Variants in FSTL5 observed in about 807,000 individuals in gnomAD.
The protein encoded by FSTL5 is follistatin like 5.
Under a neutral mutation model 89.1 loss-of-function variants are expected in FSTL5, and 62 were observed. The ratio of observed to expected loss-of-function variants is 0.70; its 90% CI spans 0.57 to 0.86. FSTL5 has a LOEUF of 0.86. Ranked by LOEUF, FSTL5 falls within the 40% of genes least tolerant of loss-of-function variation. FSTL5 has a pLI of 0.00. For synonymous variants in FSTL5, 383 were observed against 346.2 expected, an observed-to-expected ratio of 1.11 and a Z score of -1.18; for missense variants, 1,057 against 1,001.6, an observed-to-expected ratio of 1.06 and a Z score of -0.75.
intron 14 of FSTL5, among the ~76,000 whole-genome samples, chr4:161,457,103 G>T (rs941796906): frequency 1.3e-5 from 2 of 152,122 alleles, no homozygotes; most frequent in Non-Finnish European, 2.9e-5. Flanking sequence ...ACACTAACAT[G>T]ATCCATGAGT....
chr4:162,030,952 A>C (rs1481924999), intron 3 of FSTL5, among the ~76,000 whole-genome samples: 1 of 152,182 alleles, frequency 6.6e-6, no homozygotes, highest in Non-Finnish European at 1.5e-5. Context: ...ATTGTCTAAT[A>C]ATAGTTACAA....
chr4:161,841,084 C>T (rs551185646), intron 4 of FSTL5, among the ~76,000 whole-genome samples: 4 of 152,236 alleles, frequency 2.6e-5, no homozygotes, highest in African/African-American at 4.8e-5. Flanking sequence ...ATAACAGCTG[C>T]TTTCTTTAGC....
intron 4 of FSTL5, among the ~76,000 whole-genome samples, chr4:161,884,211 G>A (rs1217329149): frequency 6.6e-6 from 1 of 151,832 alleles, no homozygotes; most frequent in African/African-American, 2.4e-5. Context: ...CACCACACCT[G>A]GCTAATTTTT....
chr4:161,534,814 T>C (rs1455827342), intron 10 of FSTL5, among the ~76,000 whole-genome samples: 1 of 151,958 alleles, frequency 6.6e-6, no homozygotes, highest in African/African-American at 2.4e-5. Flanking sequence ...CACACTATAC[T>C]TCACACTATA....
At chr4:161,809,996 T>C (rs1016099502) in intron 4 of FSTL5, among the ~76,000 whole-genome samples, 4 of 152,126 alleles carry the variant, frequency 2.6e-5, no homozygotes, top group African/African-American at 9.7e-5. Context: ...GATATCATGG[T>C]TTGAATCAAA....
intron 4 of FSTL5, among the ~76,000 whole-genome samples, chr4:161,904,735 T>C (rs1273856849): frequency 6.6e-6 from 1 of 151,888 alleles, no homozygotes; most frequent in Non-Finnish European, 1.5e-5. Context: ...AACACCAATA[T>C]AAATGTGCCT....
intron 11 of FSTL5, among the ~76,000 whole-genome samples, chr4:161,501,105 T>A (rs1189996980): frequency 1.3e-5 from 2 of 152,158 alleles, no homozygotes; most frequent in African/African-American, 4.8e-5. Context: ...GCATGTTCTC[T>A]TTAAAAGACA....
At chr4:161,881,103 A>G (rs1732614044) in intron 4 of FSTL5, among the ~76,000 whole-genome samples, 1 of 151,410 alleles carries the variant, frequency 6.6e-6, no homozygotes, top group Non-Finnish European at 1.5e-5. Context: ...TTTGATTAAC[A>G]AAACTTTATT....
intron 8 of FSTL5, among the ~76,000 whole-genome samples, chr4:161,564,164 A>G (rs1019435382): frequency 2.6e-5 from 4 of 151,626 alleles, no homozygotes; most frequent in African/African-American, 9.7e-5. Context: ...TAATTCTACA[A>G]CAATACTTGA....
chr4:162,015,908 A>T (rs547068090), intron 3 of FSTL5, among the ~76,000 whole-genome samples: 65 of 152,338 alleles, frequency 4.3e-4, no homozygotes, highest in African/African-American at 1.3e-3. Flanking sequence ...CAAACTATAC[A>T]AATTAAGACT....
At chr4:161,879,646 G>A (rs945258820) in intron 4 of FSTL5, among the ~76,000 whole-genome samples, 4 of 152,140 alleles carry the variant, frequency 2.6e-5, no homozygotes, top group Admixed American at 6.5e-5. Flanking sequence ...CACCACCTCA[G>A]AACCTTTTCA....
intron 15 of FSTL5, among the ~76,000 whole-genome samples, chr4:161,450,584 A>C (rs1017379498): frequency 1.1e-4 from 17 of 152,296 alleles, no homozygotes; most frequent in African/African-American, 4.1e-4. Context: ...TTAATATAAC[A>C]ACTGAGTTGT....
At chr4:161,422,084 A>G (rs1479722148) in intron 15 of FSTL5, among the ~76,000 whole-genome samples, 1 of 150,374 alleles carries the variant, frequency 6.7e-6, no homozygotes, top group African/African-American at 2.4e-5. Context: ...ATATGAATAT[A>G]TGAAGAGATT....
At chr4:161,786,801 T>C (rs1386719850) in intron 4 of FSTL5, among the ~76,000 whole-genome samples, 2 of 152,130 alleles carry the variant, frequency 1.3e-5, no homozygotes, top group African/African-American at 2.4e-5. Context: ...CCTATACAAA[T>C]ACTATGTATT....
At chr4:162,153,759 TATAC>T (rs1733354685) in intron 1 of FSTL5, among the ~76,000 whole-genome samples, 1 of 100,126 alleles carries the variant, frequency 1.0e-5, no homozygotes. Context: ...TACATGTATA[TATAC>T]ATGTATATTA....
chr4:161,562,465 T>G (rs1732639627), intron 8 of FSTL5, among the ~76,000 whole-genome samples: 1 of 151,988 alleles, frequency 6.6e-6, no homozygotes, highest in Non-Finnish European at 1.5e-5. Flanking sequence ...CATAGTATGT[T>G]TTTCCATTGA....
At chr4:162,134,596 T>A (rs1034476518) in intron 1 of FSTL5, among the ~76,000 whole-genome samples, 3 of 152,218 alleles carry the variant, frequency 2.0e-5, no homozygotes, top group Non-Finnish European at 2.9e-5. Context: ...GGAAGAAAAA[T>A]TAACAATTTA....
intron 4 of FSTL5, among the ~76,000 whole-genome samples, chr4:161,911,663 C>T (rs1027015290): frequency 1.3e-5 from 2 of 152,062 alleles, no homozygotes; most frequent in Non-Finnish European, 2.9e-5. Flanking sequence ...AATGCTTTAT[C>T]GAAACGAGAG....
At chr4:161,464,159 T>A (rs544429041) in intron 13 of FSTL5, among the ~76,000 whole-genome samples, 8 of 152,254 alleles carry the variant, frequency 5.3e-5, no homozygotes, top group Non-Finnish European at 1.2e-4. Flanking sequence ...AAGCCAAAAG[T>A]CATTATAATG....
Sources: allele counts gnomAD v4.1 joint callset (sites outside exome capture counted in the v4.1 genomes callset), GRCh38; gene constraint gnomAD v4.1.1; transcripts MANE v1.5; gene names NCBI Gene and HGNC (gene_info 2026-07-23, HGNC 2026-07-21).